COX7A2L: variants seen among roughly 807,000 people sequenced by gnomAD.
The protein encoded by COX7A2L is cytochrome c oxidase subunit 7A2 like.
Under a neutral mutation model 14.2 loss-of-function variants are expected in COX7A2L, and 18 were observed. That is an observed-to-expected ratio of 1.27 (90% CI 0.88 to 1.88). The LOEUF is 1.88. Ranked by LOEUF, COX7A2L falls within the 40% of genes most tolerant of loss-of-function variation. COX7A2L has a pLI of 0.00. For missense variants in COX7A2L, 179 were observed against 138.8 expected, an observed-to-expected ratio of 1.29 and a Z score of -1.46; for synonymous variants, 65 against 57.4, an observed-to-expected ratio of 1.13 and a Z score of -0.60.
rs550968076 is a variant in COX7A2L at position 42,361,194 on chromosome 2, C to A, written c.-33G>T. The A allele has an allele frequency of 2.5e-6, 4 of 1,572,360 alleles. No homozygotes were observed. In the East Asian group the frequency reaches 6.9e-5, roughly 27 times the overall value. ...AGAGTCCGGCTTCCCGCATCCGCTG[C>A]CAACGCGACCGCCCCAGAGAAGGAC... On this transcript the variant is annotated 5_prime_UTR_variant, in exon 1 of 3. Coordinates refer to ENST00000234301, the MANE Select transcript of COX7A2L (RefSeq NM_004718.4).
At chr2:42,356,401 G>A (rs1670820720) in intron 1 of COX7A2L, among the ~76,000 whole-genome samples, 1 of 152,146 alleles carries the variant, frequency 6.6e-6, no homozygotes, top group African/African-American at 2.4e-5. Flanking sequence ...CACAAGCACA[G>A]GATTTTGGCA....
downstream of COX7A2L, among the ~76,000 whole-genome samples, chr2:42,349,096 G>T (rs1670560143): frequency 6.6e-6 from 1 of 152,056 alleles, no homozygotes; most frequent in Admixed American, 6.6e-5. Context: ...TATGACCCAG[G>T]AATTCCACTC....
At chr2:42,367,815 A>G (rs1396334585) in intron 1 of COX7A2L, among the ~76,000 whole-genome samples, 1 of 152,248 alleles carries the variant, frequency 6.6e-6, no homozygotes, top group African/African-American at 2.4e-5. Context: ...GGAGAGCCCA[A>G]TGCAGACAGG....
In COX7A2L at chr2:42,350,094, C is replaced by T. The variant is rs548366141; in HGVS notation, c.*1125G>A. 6.6e-6 allele frequency: 1 copy of T among 151,964 alleles called. No homozygotes were observed. Among genetic ancestry groups the T allele is most frequent in the Non-Finnish European group, 1.5e-5 (1 of 68,004 alleles). The allele number at this position is 151,964 out of a possible 1,614,324, so 9.4% of individuals were successfully genotyped here. A position where few individuals can be genotyped will look rare whatever the true frequency, so the allele number is the denominator to read the frequency against. ...GAGAGAGAGAGATATCACTGCAAGG[C>T]TACTATTGAGTATTTTCAAATCACC... On this transcript the variant is annotated 3_prime_UTR_variant, in exon 3 of 3. Coordinates refer to ENST00000234301, the MANE Select transcript of COX7A2L (RefSeq NM_004718.4).
intron 2 of COX7A2L, among the ~76,000 whole-genome samples, chr2:42,340,502 TG>T (rs1355173355): frequency 6.6e-6 from 1 of 152,184 alleles, no homozygotes; most frequent in Non-Finnish European, 1.5e-5. Context: ...ACACACACCC[TG>T]CTCACCAGCC....
At chr2:42,353,398 T>C (rs1670712936) in intron 1 of COX7A2L, 55 bp from the exon 2 acceptor site, 1 of 1,597,452 alleles carries the variant, frequency 6.3e-7, no homozygotes, top group Non-Finnish European at 8.5e-7. Context: ...GGAGGCTGTC[T>C]GGAATAGTGG....
intron 1 of COX7A2L, among the ~76,000 whole-genome samples, chr2:42,366,387 G>A (rs895034197): frequency 2.0e-5 from 3 of 152,214 alleles, no homozygotes; most frequent in South Asian, 2.1e-4. Flanking sequence ...TCGTGCCATT[G>A]CACTGCAGCC....
intron 2 of COX7A2L, among the ~76,000 whole-genome samples, chr2:42,343,110 C>T (rs1670432607): frequency 6.6e-6 from 1 of 152,156 alleles, no homozygotes; most frequent in Non-Finnish European, 1.5e-5. Context: ...TCCAGGCTAC[C>T]AGGCCTGACC....
chr2:42,365,403 G>A (rs1275654449), upstream of COX7A2L, among the ~76,000 whole-genome samples: 1 of 152,124 alleles, frequency 6.6e-6, no homozygotes, highest in Non-Finnish European at 1.5e-5. Flanking sequence ...AAGGCAGGTG[G>A]ATCACCTGAC....
In COX7A2L at chr2:42,339,404, C is replaced by T. The variant is rs1670353153; in HGVS notation, c.193-5535G>A. Among the ~76,000 whole-genome samples the T allele has an allele frequency of 6.6e-6, 1 of 152,170 alleles. No homozygotes were observed. The highest frequency in any genetic ancestry group is 2.4e-5 in the African/African-American group (1 of 41,440). On this transcript the variant is annotated intron_variant, in intron 2 of 2. Transcript: ENST00000468711. This position sits in a 1 kb window ranked among gnomAD's most constrained non-coding sequence, Gnocchi z 5.4. ...ATGAGAGACACACACTAGTGGTGAA[C>T]CAAGAGGACTGCGGGGCAGCCTCCA...
chr2:42,336,028 C>G (rs763342311), intron 2 of COX7A2L, among the ~76,000 whole-genome samples: 6 of 152,212 alleles, frequency 3.9e-5, no homozygotes, highest in Non-Finnish European at 7.3e-5. Flanking sequence ...CCCTAATGTT[C>G]AATTTAAACC....
At chr2:42,362,004 C>T (rs1022983824), upstream of COX7A2L, among the ~76,000 whole-genome samples, 2 of 152,138 alleles carry the variant, frequency 1.3e-5, no homozygotes, top group African/African-American at 4.8e-5. Flanking sequence ...GCTCAGGTAC[C>T]AGGATGTAAA....
upstream of COX7A2L, among the ~76,000 whole-genome samples, chr2:42,362,569 C>A (rs914887204): frequency 6.6e-6 from 1 of 152,194 alleles, no homozygotes; most frequent in African/African-American, 2.4e-5. Flanking sequence ...AGACTTCCTA[C>A]TGTTAAGCAC....
chr2:42,344,743 C>A (rs982805625), downstream of COX7A2L, among the ~76,000 whole-genome samples: 9 of 151,720 alleles, frequency 5.9e-5, no homozygotes, highest in African/African-American at 2.2e-4. Flanking sequence ...CCTAGCTACT[C>A]AGGAGCCTGA....
upstream of COX7A2L, chr2:42,361,593 A>T (rs1671053830): frequency 6.2e-6 from 1 of 161,106 alleles, no homozygotes; most frequent in African/African-American, 2.4e-5. Context: ...GAGGGCGGTG[A>T]TTGGTGGGCG....
At chr2:42,357,755 G>A (rs1238819924) in intron 1 of COX7A2L, among the ~76,000 whole-genome samples, 1 of 152,130 alleles carries the variant, frequency 6.6e-6, no homozygotes, top group Non-Finnish European at 1.5e-5. Flanking sequence ...CACCAATCAT[G>A]CTGAAGCCCT....
chr2:42,358,690 T>C (rs1670909711), intron 1 of COX7A2L, among the ~76,000 whole-genome samples: 1 of 152,240 alleles, frequency 6.6e-6, no homozygotes, highest in African/African-American at 2.4e-5. Flanking sequence ...GGAGAGGTAC[T>C]AGAAATCTGA....
intron 1 of COX7A2L, chr2:42,359,878 C>T (rs892682858): frequency 5.3e-5 from 8 of 150,040 alleles, no homozygotes; most frequent in African/African-American, 1.2e-4. Context: ...CCCTTCTTAT[C>T]TGAGATTAGA....
rs192155261 is a variant in COX7A2L, at chr2:42,339,429, A to G, written c.193-5560T>C. On this transcript the variant is annotated intron_variant, in intron 2 of 2. Transcript: ENST00000468711. This position sits in a 1 kb window ranked among gnomAD's most constrained non-coding sequence, Gnocchi z 5.4. Reference sequence around the variant, plus strand: ...CCAAGAGGACTGCGGGGCAGCCTCCAAGGCCACAGGCGTTACTCCTGCCTC... The same window carrying G: ...CCAAGAGGACTGCGGGGCAGCCTCCGAGGCCACAGGCGTTACTCCTGCCTC... Among the ~76,000 whole-genome samples, 6 of 152,268 alleles carry G rather than the reference A, an allele frequency of 3.9e-5. No individual in the cohort carries two copies. The East Asian group carries it at 1.2e-3, about 29-fold the overall frequency.
Sources: allele counts gnomAD v4.1 joint callset (sites outside exome capture counted in the v4.1 genomes callset), GRCh38; gene constraint gnomAD v4.1.1; non-coding constraint Gnocchi (gnomAD v3.1); transcripts MANE v1.5; gene names NCBI Gene and HGNC (gene_info 2026-07-23, HGNC 2026-07-21).